LRRIQ1: variants seen among roughly 807,000 people sequenced by gnomAD.
LRRIQ1 encodes leucine-rich repeat- and IQ domain-containing protein 1.
A neutral mutation model predicts 211.9 loss-of-function variants in LRRIQ1; 210 were observed. That is an observed-to-expected ratio of 0.99 (90% confidence interval 0.89 to 1.11). LRRIQ1 has a LOEUF of 1.11. Among genes scored for constraint, LRRIQ1 ranks in the 50% most tolerant of loss-of-function variants. The probability of loss-of-function intolerance (pLI) is 0.00; values close to 1 mark genes in which losing one functional copy is unlikely to be tolerated. For missense variants in LRRIQ1, 2,136 were observed against 1,939.5 expected (o/e 1.10, Z -1.90); for synonymous variants, 699 against 650.1 (o/e 1.08, Z -1.14).
chr12:85,176,749 TAA>T (rs59571527), intron 24 of LRRIQ1, among the ~76,000 whole-genome samples: 7 of 151,074 alleles, frequency 4.6e-5, no homozygotes, highest in African/African-American at 7.3e-5. Context: ...TAATAAAAAA[TAA>T]AAAAAAATTT....
At chr12:85,078,790 C>T (rs1446821164) in intron 11 of LRRIQ1, among the ~76,000 whole-genome samples, 1 of 151,964 alleles carries the variant, frequency 6.6e-6, no homozygotes, top group Non-Finnish European at 1.5e-5. Flanking sequence ...TCTCAAATAA[C>T]TTATTTGTAT....
intron 24 of LRRIQ1, among the ~76,000 whole-genome samples, chr12:85,205,841 G>A (rs963625709): frequency 2.6e-5 from 4 of 152,078 alleles, no homozygotes; most frequent in African/African-American, 9.7e-5. Context: ...AGTTATTTTG[G>A]AAAGGCAGTT....
At chr12:85,173,205 T>G (rs1891504324) in intron 24 of LRRIQ1, among the ~76,000 whole-genome samples, 1 of 152,216 alleles carries the variant, frequency 6.6e-6, no homozygotes, top group Non-Finnish European at 1.5e-5. Flanking sequence ...TTCTGTAAAT[T>G]TAACATTAAC....
chr12:85,215,725 G>A (rs771453684), intron 24 of LRRIQ1, among the ~76,000 whole-genome samples: 3 of 152,094 alleles, frequency 2.0e-5, no homozygotes, highest in Non-Finnish European at 4.4e-5. Flanking sequence ...GGAAACAACC[G>A]ATGTGGCCAC....
chr12:85,158,862 CT>C (rs5799722), intron 23 of LRRIQ1, among the ~76,000 whole-genome samples: 3 of 149,358 alleles, frequency 2.0e-5, no homozygotes, highest in South Asian at 2.1e-4. Context: ...TATCCCTTGG[CT>C]TTTTTTTTAA....
chr12:85,268,572 A>C (rs117556971), downstream of LRRIQ1, among the ~76,000 whole-genome samples: 290 of 152,056 alleles, frequency 1.9e-3, 2 homozygotes, highest in Middle Eastern at 0.037. Context: ...TACAGGAGAA[A>C]ATTTTAGCTG....
intron 6 of LRRIQ1, 30 bp downstream of exon 6, chr12:85,047,500 T>A (rs775581159): frequency 3.0e-5 from 46 of 1,548,124 alleles, no homozygotes; most frequent in Non-Finnish European, 3.6e-6. Flanking sequence ...CATGTATTTT[T>A]AAAATCAGTA....
At chr12:85,217,492 G>GTATA (rs1214919315) in intron 24 of LRRIQ1, among the ~76,000 whole-genome samples, 185 of 74,942 alleles carry the variant, frequency 2.5e-3, no homozygotes, top group Non-Finnish European at 3.6e-3. Flanking sequence ...ATATATATAT[G>GTATA]TATATATATA....
intron 11 of LRRIQ1, among the ~76,000 whole-genome samples, chr12:85,085,146 G>A (rs542342273): frequency 7.2e-5 from 11 of 152,082 alleles, no homozygotes; most frequent in Admixed American, 2.0e-4. Context: ...TAGTTTCAGG[G>A]ATTGTATTAG....
At chr12:85,040,688 C>A in intron 3 of LRRIQ1, 87 bp downstream of exon 3, 1 of 704,254 alleles carries the variant, frequency 1.4e-6, no homozygotes, top group South Asian at 2.0e-5. Context: ...GCTTAAAGTT[C>A]TTATCTCTTA....
chr12:85,170,070 A>G (rs781699328), intron 24 of LRRIQ1, among the ~76,000 whole-genome samples: 6 of 152,106 alleles, frequency 3.9e-5, no homozygotes, highest in Non-Finnish European at 5.9e-5. Context: ...AAAACAAACT[A>G]TAACTTTTAA....
At chr12:85,075,367 T>C (rs1883530769) in intron 11 of LRRIQ1, among the ~76,000 whole-genome samples, 1 of 151,544 alleles carries the variant, frequency 6.6e-6, no homozygotes, top group South Asian at 2.1e-4. Context: ...AGAAAAGAGG[T>C]TTAATTGGCT....
chr12:85,097,291 A>C (rs1470758757), intron 11 of LRRIQ1, among the ~76,000 whole-genome samples: 2 of 152,162 alleles, frequency 1.3e-5, no homozygotes, highest in African/African-American at 2.4e-5. Flanking sequence ...CAGAAGCTGA[A>C]GGGGAAACAA....
chr12:85,063,531 T>G lies in LRRIQ1; in HGVS notation c.2392-1731T>G, dbSNP rs185673187. Among the ~76,000 whole-genome samples, 31 of 151,866 alleles carry G rather than the reference T, an allele frequency of 2.0e-4. No homozygotes were observed. In the East Asian group the frequency reaches 5.2e-3, roughly 26 times the overall value. On this transcript the variant is annotated intron_variant, in intron 8 of 26. Transcript: ENST00000393217. The stretch of plus-strand genomic sequence containing the variant: ...TTATCTCAAGTATTTACCCTTTCTT[T>G]GTGTTACAAATAATCCAGTTATACT...
At position 85,153,709 on chromosome 12, in the gene LRRIQ1, A is replaced by G. The variant is rs747587750; in HGVS notation, c.4588A>G (p.Arg1530Gly). Reference sequence around the variant, plus strand: ...CTGGACACCTGAATCAAAGACCAGTAGAAAGAGTTTGCTAAAATCTGAAAA... The same window carrying G: ...CTGGACACCTGAATCAAAGACCAGTGGAAAGAGTTTGCTAAAATCTGAAAA... ...SSWTPESKTS[R>G]KSLLKSEKEK... The change falls in exon 22 of 27, where the codon AGA (arginine) becomes GGA (glycine). Residue 1530 changes from arginine (R) to glycine (G), a missense_variant. Transcript: ENST00000393217. 3.8e-6 allele frequency: 6 copies of G among 1,587,312 alleles called. No individual in the cohort carries two copies. The South Asian group carries it at 5.8e-5, about 15-fold the overall frequency.
In LRRIQ1 at chr12:85,175,445, A is replaced by G. The variant is rs566003422; in HGVS notation, c.4822+14731A>G. Among the ~76,000 whole-genome samples, 52 of 152,306 alleles carry G rather than the reference A, an allele frequency of 3.4e-4. No individual in the cohort carries two copies. The South Asian group carries it at 9.9e-3, about 29-fold the overall frequency. On this transcript the variant is annotated intron_variant, in intron 24 of 26. Transcript: ENST00000393217. ...CTAAAGAGTATTCTTCGGGCAGAAG[A>G]AAAAGACTTCCAGGTAAAATCTAGG...
chr12:85,177,320 C>T (rs1472721469), intron 24 of LRRIQ1, among the ~76,000 whole-genome samples: 2 of 151,926 alleles, frequency 1.3e-5, no homozygotes, highest in African/African-American at 4.8e-5. Flanking sequence ...TATCTAGAAG[C>T]AGGGGTTGGG....
At chr12:85,095,823 T>C (rs1421335922) in intron 11 of LRRIQ1, among the ~76,000 whole-genome samples, 3 of 152,152 alleles carry the variant, frequency 2.0e-5, no homozygotes, top group Non-Finnish European at 4.4e-5. Context: ...CTAATTCAAT[T>C]TCAGAACTCC....
chr12:85,068,145 G>A (rs1882645738), intron 10 of LRRIQ1, among the ~76,000 whole-genome samples: 1 of 151,800 alleles, frequency 6.6e-6, no homozygotes, highest in African/African-American at 2.4e-5. Context: ...ATCGAGTATC[G>A]CCAAAAAGTT....
Sources: gnomAD v4.1 joint callset for allele counts (sites outside exome capture counted in the v4.1 genomes callset) on GRCh38, gnomAD v4.1.1 for gene constraint, MANE v1.5 for transcripts, NCBI Gene and HGNC (gene_info 2026-07-23, HGNC 2026-07-21) for gene names.